The following UGT1A4 variants were observed in gnomAD, a reference collection of about 807,000 sequenced individuals.
UGT1A4 encodes the protein UDP glucuronosyltransferase family 1 member A4, also known as UDP-glucuronosyltransferase 1A4.
UGT1A4 carries 32 observed loss-of-function variants against 41.1 expected under a neutral mutation model. The ratio of observed to expected loss-of-function variants is 0.78; its 90% CI spans 0.59 to 1.05. The LOEUF (loss-of-function observed/expected upper bound fraction) is 1.05, where lower values mean the gene tolerates loss of function less well. UGT1A4 is among the 50% of genes least tolerant of loss of function. The pLI, the probability that UGT1A4 is intolerant of heterozygous loss-of-function variation, is 0.00. For missense variants in UGT1A4, 748 were observed against 677.4 expected (o/e 1.10, Z -1.16); for synonymous variants, 283 against 265.1 (o/e 1.07, Z -0.66).
At position 233,733,533 on chromosome 2, in the gene UGT1A4, G is replaced by A. The variant is rs184573517; in HGVS notation, c.867+13846G>A. On this transcript the variant is annotated intron_variant, in intron 1 of 4. Coordinates refer to ENST00000373409, the MANE Select transcript of UGT1A4 (RefSeq NM_007120.3). ...TAGGCATGAAGGGATGTTTAATTTT[G>A]TTGAAGGCCTTTTCTGCATCTGTTG... 2.9e-3 allele frequency among the ~76,000 whole-genome samples: 440 copies of A among 152,268 alleles called. 3 individuals carry two copies. Among genetic ancestry groups the A allele is most frequent in the African/African-American group, 0.01 (417 of 41,554 alleles).
intron 1 of UGT1A4, chr2:233,747,623 G>T: frequency 6.3e-7 from 1 of 1,577,752 alleles, no homozygotes; most frequent in Admixed American, 1.7e-5. Context: ...ATGAGGCCCT[G>T]ATCAGGCACC....
intron 1 of UGT1A4, chr2:233,760,989 C>T: frequency 6.2e-7 from 1 of 1,614,198 alleles, no homozygotes; most frequent in Non-Finnish European, 8.5e-7. Context: ...CAACCCTTGC[C>T]TCAGAATTCC....
At chr2:233,730,637 G>A (rs2078055755) in intron 1 of UGT1A4, among the ~76,000 whole-genome samples, 1 of 152,192 alleles carries the variant, frequency 6.6e-6, no homozygotes, top group African/African-American at 2.4e-5. Flanking sequence ...TCTGGTGCAT[G>A]ATGTGGGGAC....
chr2:233,726,266 G>A (rs1303281171), intron 1 of UGT1A4, among the ~76,000 whole-genome samples: 5 of 152,134 alleles, frequency 3.3e-5, no homozygotes, highest in East Asian at 1.9e-4. Context: ...AGTGGCATGC[G>A]CCTATGGTCC....
rs771993243 is a variant in UGT1A4 at position 233,755,018 on chromosome 2, C to G, written c.868-12016C>G. 2.3e-6 allele frequency: 3 copies of G among 1,302,150 alleles called. No homozygotes were observed. In the South Asian group the frequency reaches 3.5e-5, roughly 15 times the overall value. The allele number at this position is 1,302,150 out of a possible 1,614,324, so 80.7% of individuals were successfully genotyped here. ...AGCTGAAGACCTACTCGAAGGGGTCCTTGAAGGGCCTGCCGCCTGCGCAGC... is the reference window on the plus strand; with the variant it reads ...AGCTGAAGACCTACTCGAAGGGGTCGTTGAAGGGCCTGCCGCCTGCGCAGC... On this transcript the variant is annotated intron_variant, in intron 1 of 4. Transcript: ENST00000373409.
chr2:233,724,396 T>C (rs2077250917), intron 1 of UGT1A4, among the ~76,000 whole-genome samples: 1 of 143,176 alleles, frequency 7.0e-6, no homozygotes, highest in African/African-American at 2.6e-5. Flanking sequence ...GCTCCTCACT[T>C]CCCAGATGGG....
intron 1 of UGT1A4, among the ~76,000 whole-genome samples, chr2:233,730,727 G>T (rs768160238): frequency 6.6e-6 from 1 of 152,112 alleles, no homozygotes; most frequent in African/African-American, 2.4e-5. Context: ...ATCAAGAAAT[G>T]GCGGAAGGGG....
In UGT1A4 at chr2:233,747,740, TC is replaced by T. The variant is rs1007845310; in HGVS notation, c.868-19292del. On this transcript the variant is annotated intron_variant, in intron 1 of 4. Coordinates refer to ENST00000373409, the MANE Select transcript of UGT1A4 (RefSeq NM_007120.3). The stretch of plus-strand genomic sequence containing the variant: ...CTGCTGTGTTTTTTTTGAGGAACAT[TC>T]CATGTGATTTAGACTTTAAGGGCAC... 68 of 1,613,430 alleles carry T rather than the reference TC, an allele frequency of 4.2e-5. No individual in the cohort carries two copies. In the Admixed American group the frequency reaches 1.1e-3, roughly 27 times the overall value.
intron 4 of UGT1A4, 143 bp downstream of exon 4, chr2:233,768,582 CTTTTTTT>C (rs139595073): frequency 1.2e-4 from 124 of 1,032,798 alleles, no homozygotes; most frequent in East Asian, 4.8e-4. Context: ...TTTATTTCTT[CTTTTTTT>C]TTTTTTTTTT....
chr2:233,729,177 G>C, intron 1 of UGT1A4: 1 of 1,613,894 alleles, frequency 6.2e-7, no homozygotes, highest in Non-Finnish European at 8.5e-7. Flanking sequence ...CAGGACTGCT[G>C]CTTCTCCTCA....
rs28898623 is a variant in UGT1A4, at chr2:233,737,700, C to T, written c.867+18013C>T. On this transcript the variant is annotated intron_variant, in intron 1 of 4. Coordinates refer to ENST00000373409, the MANE Select transcript of UGT1A4 (RefSeq NM_007120.3). ...ATTTGGCCATTGGTGCTGAAGCTTC[C>T]GTTCTCCTCTCCAACACCTCCTTTT... Among the ~76,000 whole-genome samples the T allele has an allele frequency of 1.4e-3, 213 of 152,228 alleles. 1 individual carries two copies. The highest frequency in any genetic ancestry group is 4.8e-3 in the African/African-American group (199 of 41,534).
intron 1 of UGT1A4, among the ~76,000 whole-genome samples, chr2:233,761,978 G>A (rs947618547): frequency 6.6e-6 from 1 of 152,138 alleles, no homozygotes; most frequent in Non-Finnish European, 1.5e-5. Flanking sequence ...TATCACCTTC[G>A]GAGGTGACCT....
intron 1 of UGT1A4, 61 bp from the exon 2 acceptor site, chr2:233,766,972 CT>C: frequency 6.2e-7 from 1 of 1,611,258 alleles, no homozygotes; most frequent in Non-Finnish European, 8.5e-7. Context: ...TCATAACTTA[CT>C]GTATGTAGTC....
rs2076737405 is a variant in UGT1A4 at position 233,719,208 on chromosome 2, G to A, written c.388G>A (p.Glu130Lys). ...VSLALHRCCV[E>K]LLHNEALIRH... Reference sequence around the variant, plus strand: ...TTTGGCCCTTCATAGGTGTTGTGTGGAGCTACTGCATAATGAGGCCCTGAT... The same window carrying A: ...TTTGGCCCTTCATAGGTGTTGTGTGAAGCTACTGCATAATGAGGCCCTGAT... The change falls in exon 1 of 5, where the codon GAG becomes AAG. Residue 130 changes from glutamate (E) to lysine (K), a missense_variant. Glu to Lys is a moderately conservative substitution (Grantham distance 56, BLOSUM62 1). Coordinates refer to ENST00000373409, the MANE Select transcript of UGT1A4 (RefSeq NM_007120.3). 6.2e-7 allele frequency: 1 copy of A among 1,614,098 alleles called. No homozygotes were observed. Among genetic ancestry groups the A allele is most frequent in the African/African-American group, 1.3e-5 (1 of 74,930 alleles).
Position 233,727,426 on chromosome 2 carries a change from C to G in UGT1A4, c.867+7739C>G, listed in dbSNP as rs186038062. On this transcript the variant is annotated intron_variant, in intron 1 of 4. Coordinates refer to ENST00000373409, the MANE Select transcript of UGT1A4 (RefSeq NM_007120.3). ...TGGGCCTCCTCAGGGTCTGGGAGTCCCAGACATGTGACAAGAAATCAGATG... is the reference window on the plus strand; with the variant it reads ...TGGGCCTCCTCAGGGTCTGGGAGTCGCAGACATGTGACAAGAAATCAGATG... 2.0e-5 allele frequency among the ~76,000 whole-genome samples: 3 copies of G among 152,090 alleles called. No homozygotes were observed. In the South Asian group the frequency reaches 6.2e-4, roughly 32 times the overall value.
intron 1 of UGT1A4, among the ~76,000 whole-genome samples, chr2:233,735,983 G>A (rs541234939): frequency 2.6e-5 from 4 of 152,114 alleles, no homozygotes; most frequent in Non-Finnish European, 5.9e-5. Context: ...TGACAATTAT[G>A]TGTCTTGGAG....
chr2:233,772,281 C>A lies in UGT1A4; in HGVS notation c.1327C>A (p.Arg443Ser). Residue 443 changes from arginine to serine, a missense_variant, in exon 5 of 5, where the codon CGC becomes AGC. By Grantham distance (110) the Arg-to-Ser change is moderately radical. Transcript: ENST00000373409. ...NDKSYKENIMRLSSLHKDRPV... is the reference protein window; with the variant it reads ...NDKSYKENIMSLSSLHKDRPV... ...GTTTAGTTACAAGGAGAACATCATGCGCCTCTCCAGCCTTCACAAGGACCG... is the reference window on the plus strand; with the variant it reads ...GTTTAGTTACAAGGAGAACATCATGAGCCTCTCCAGCCTTCACAAGGACCG... 6.2e-7 allele frequency: 1 copy of A among 1,614,202 alleles called. No individual in the cohort carries two copies. The highest frequency in any genetic ancestry group is 1.7e-5 in the Admixed American group (1 of 60,028).
intron 1 of UGT1A4, among the ~76,000 whole-genome samples, chr2:233,730,227 G>T (rs1389808961): frequency 2.0e-5 from 3 of 152,112 alleles, no homozygotes; most frequent in East Asian, 3.9e-4. Context: ...TTTGTAAAAG[G>T]ATGGACAAGG....
chr2:233,772,383 C>T lies in UGT1A4; in HGVS notation c.1429C>T (p.Pro477Ser). The T allele has an allele frequency of 1.2e-6, 2 of 1,614,238 alleles. No individual in the cohort carries two copies. The highest frequency in any genetic ancestry group is 1.3e-5 in the African/African-American group (1 of 75,068). The change falls in exon 5 of 5, where the codon CCC becomes TCC. Residue 477 changes from proline (P) to serine (S), a missense_variant. Transcript: ENST00000373409. ...MRHKGAPHLR[P>S]AAHDLTWYQY... Reference sequence around the variant, plus strand: ...GCACAAGGGCGCGCCACACCTGCGCCCCGCAGCCCACGACCTCACCTGGTA... The same window carrying T: ...GCACAAGGGCGCGCCACACCTGCGCTCCGCAGCCCACGACCTCACCTGGTA...
Sources: allele counts gnomAD v4.1 joint callset (sites outside exome capture counted in the v4.1 genomes callset), GRCh38; gene constraint gnomAD v4.1.1; transcripts MANE v1.5; gene names NCBI Gene and HGNC (gene_info 2026-07-23, HGNC 2026-07-21).